The following MROH2A variants were observed in gnomAD, a reference collection of about 807,000 sequenced individuals.
MROH2A encodes maestro heat like repeat family member 2A.
Under a neutral mutation model 200.4 loss-of-function variants are expected in MROH2A, and 174 were observed. That is an observed-to-expected ratio of 0.87 (90% CI 0.77 to 0.98). The LOEUF is 0.98. Among genes scored for constraint, MROH2A ranks in the 50% least tolerant of loss-of-function variants. MROH2A has a pLI of 0.00. For synonymous variants in MROH2A, 829 were observed against 840.4 expected (o/e 0.99, Z 0.23); for missense variants, 2,045 against 2,139.6 (o/e 0.96, Z 0.87).
intron 3 of MROH2A, among the ~76,000 whole-genome samples, chr2:233,788,777 A>C (rs1701533712): frequency 6.6e-6 from 1 of 151,518 alleles, no homozygotes; most frequent in Non-Finnish European, 1.5e-5. Context: ...CTCTACTAAA[A>C]ATACAAAAAA....
At chr2:233,826,620 T>C (rs560118133) in intron 35 of MROH2A, among the ~76,000 whole-genome samples, 1 of 152,274 alleles carries the variant, frequency 6.6e-6, no homozygotes, top group African/African-American at 2.4e-5. Flanking sequence ...ATAAAAACCC[T>C]AGAAGAAAAT....
Position 233,829,745 on chromosome 2 carries a change from C to T in MROH2A, c.4572C>T (p.His1524=), listed in dbSNP as rs28900695. ...VKKAWIPLML[H]SQDPCSNAAQ... ...AGGCCTGGATCCCCCTCATGCTGCACTCCCAGGACCCCTGCTCCAATGCAG... is the reference window on the plus strand; with the variant it reads ...AGGCCTGGATCCCCCTCATGCTGCATTCCCAGGACCCCTGCTCCAATGCAG... The change falls in exon 38 of 42, where the codon CAC becomes CAT. Residue 1524 remains histidine (H), a synonymous_variant. Transcript: ENST00000389758. 2.5e-3 allele frequency: 3,622 copies of T among 1,439,266 alleles called. 120 individuals carry two copies. The East Asian group carries it at 0.075, about 30-fold the overall frequency. The allele number at this position is 1,439,266 out of a possible 1,614,324, so 89.2% of individuals were successfully genotyped here. A position where few individuals can be genotyped will look rare whatever the true frequency, so the allele number is the denominator to read the frequency against.
At chr2:233,790,217 C>CT (rs1701628700) in intron 5 of MROH2A, among the ~76,000 whole-genome samples, 1 of 152,106 alleles carries the variant, frequency 6.6e-6, no homozygotes, top group Admixed American at 6.5e-5. Flanking sequence ...TCTCATCCTT[C>CT]TTCCCCCTCT....
Position 233,822,366 on chromosome 2 carries a change from C to CTG in MROH2A, c.3679_3680dup (p.Thr1228AlafsTer44). The CTG allele has an allele frequency of 6.4e-7, 1 of 1,550,914 alleles. No individual in the cohort carries two copies. The highest frequency in any genetic ancestry group is 8.7e-7 in the Non-Finnish European group (1 of 1,147,032). ...GCCCTGGACCTTCTCTCTGCAGACC[C>CTG]TGTGCACCATCCACCTTCTCATTCA... On this transcript the variant is annotated frameshift_variant, in exon 33 of 42. Coordinates refer to ENST00000389758, the MANE Select transcript of MROH2A (RefSeq NM_001394639.1). LOFTEE classifies it high-confidence loss of function.
At chr2:233,781,276 G>A (rs532271983) in intron 3 of MROH2A, among the ~76,000 whole-genome samples, 2 of 152,010 alleles carry the variant, frequency 1.3e-5, no homozygotes, top group Non-Finnish European at 2.9e-5. Flanking sequence ...TGGATCATAC[G>A]GTAAATCTAG....
In MROH2A at chr2:233,792,788, C is replaced by T; in HGVS notation, c.572-8C>T. Reference sequence around the variant, plus strand: ...AACTTCCTGTAATCATCCCTCACAACCTCACAGTGTTTGAGTTCATGCCAT... The same window carrying T: ...AACTTCCTGTAATCATCCCTCACAATCTCACAGTGTTTGAGTTCATGCCAT... On this transcript the variant is annotated splice_region_variant and splice_polypyrimidine_tract_variant and intron_variant, in intron 5 of 41. Transcript: ENST00000389758. 6.6e-7 allele frequency: 1 copy of T among 1,510,776 alleles called. No individual in the cohort carries two copies. Among genetic ancestry groups the T allele is most frequent in the East Asian group, 2.5e-5 (1 of 40,702 alleles). The allele number at this position is 1,510,776 out of a possible 1,614,324, so 93.6% of individuals were successfully genotyped here. A position where few individuals can be genotyped will look rare whatever the true frequency, so the allele number is the denominator to read the frequency against.
intron 3 of MROH2A, among the ~76,000 whole-genome samples, chr2:233,785,051 C>T (rs1408920502): frequency 1.3e-5 from 2 of 151,666 alleles, no homozygotes; most frequent in African/African-American, 2.4e-5. Context: ...GAGGCTGAGG[C>T]AAGAGAATTG....
chr2:233,820,632 C>A lies in MROH2A; in HGVS notation c.3512+576C>A, dbSNP rs1348838395. Among the ~76,000 whole-genome samples the A allele has an allele frequency of 6.6e-6, 1 of 152,034 alleles. No individual in the cohort carries two copies. The highest frequency in any genetic ancestry group is 1.5e-5 in the Non-Finnish European group (1 of 68,002). ...GGCACAGGCAGCTGGGCATGGTCTC[C>A]CCACATGTGGGGAGTCTGTTTGGGG... On this transcript the variant is annotated intron_variant, in intron 31 of 41. Coordinates refer to ENST00000389758, the MANE Select transcript of MROH2A (RefSeq NM_001394639.1). The surrounding 1 kb of genome is among the most constrained non-coding windows in gnomAD (Gnocchi z 4.1).
chr2:233,793,213 G>A (rs959367405), intron 6 of MROH2A, among the ~76,000 whole-genome samples: 2 of 152,212 alleles, frequency 1.3e-5, no homozygotes, highest in Non-Finnish European at 2.9e-5. Context: ...TCACAGGAGA[G>A]GGAGACCGGG....
chr2:233,800,043 G>A lies in MROH2A; in HGVS notation c.1449+144G>A. 4 of 1,224,038 alleles carry A rather than the reference G, an allele frequency of 3.3e-6. No homozygotes were observed. In the South Asian group the frequency reaches 5.9e-5, roughly 18 times the overall value. 75.8% of individuals were successfully genotyped at this position (1,224,038 alleles called of 1,614,324 possible). On this transcript the variant is annotated intron_variant, in intron 13 of 41. Transcript: ENST00000389758. ...AGGAGTTCATAGACACAGTGAACCT[G>A]CAGGTGACAATGTGTGGGGTCCTAG... is the stretch of plus-strand genomic sequence containing the variant.
chr2:233,804,480 C>G lies in MROH2A; in HGVS notation c.1892-15C>G. The G allele has an allele frequency of 6.4e-7, 1 of 1,550,996 alleles. No homozygotes were observed. Among genetic ancestry groups the G allele is most frequent in the Non-Finnish European group, 8.7e-7 (1 of 1,146,932 alleles). ...GAAGAAAGTGGCATGTGTGACCATACATGTGTTCCTGCAGAACATACTGAG... is the reference window on the plus strand; with the variant it reads ...GAAGAAAGTGGCATGTGTGACCATAGATGTGTTCCTGCAGAACATACTGAG... On this transcript the variant is annotated splice_polypyrimidine_tract_variant and intron_variant, in intron 17 of 41. Coordinates refer to ENST00000389758, the MANE Select transcript of MROH2A (RefSeq NM_001394639.1).
At position 233,787,570 on chromosome 2, in the gene MROH2A, ATATATATCATATATACATATATATAT is replaced by A. The variant is rs1559435396; in HGVS notation, c.277-1919_277-1894del. 8.9e-5 allele frequency among the ~76,000 whole-genome samples: 5 copies of A among 56,304 alleles called. No individual in the cohort carries two copies. The East Asian group carries it at 2.4e-3, about 27-fold the overall frequency. The allele number at this position is 56,304 out of a possible 152,430, so 36.9% of individuals were successfully genotyped here. ...TATATATTATATATACATATATATTATATATATCATATATACATATATATATTATATATTATATATATCATATATAC... is the reference window on the plus strand; with the variant it reads ...TATATATTATATATACATATATATTATATATATTATATATATCATATATAC... On this transcript the variant is annotated intron_variant, in intron 3 of 41. Coordinates refer to ENST00000389758, the MANE Select transcript of MROH2A (RefSeq NM_001394639.1).
rs754295006 is a variant in MROH2A at position 233,828,827 on chromosome 2, G to C, written c.4263+48G>C. 6.5e-6 allele frequency: 10 copies of C among 1,549,340 alleles called. No homozygotes were observed. The highest frequency in any genetic ancestry group is 8.7e-6 in the Non-Finnish European group (10 of 1,146,204). On this transcript the variant is annotated intron_variant, in intron 36 of 41. Transcript: ENST00000389758. This position sits in a 1 kb window ranked among gnomAD's most constrained non-coding sequence, Gnocchi z 4.6. Reference sequence around the variant, plus strand: ...CAGGTCCCGGGAGCTGAGGGTGCAGGCCGGGTGCCCTGGTCAGCCTGGGAG... The same window carrying C: ...CAGGTCCCGGGAGCTGAGGGTGCAGCCCGGGTGCCCTGGTCAGCCTGGGAG...
At position 233,789,974 on chromosome 2, in the gene MROH2A, AT is replaced by A. The variant is rs759944723; in HGVS notation, c.534del (p.Phe178LeufsTer32). On this transcript the variant is annotated frameshift_variant, in exon 5 of 42. Coordinates refer to ENST00000389758, the MANE Select transcript of MROH2A (RefSeq NM_001394639.1). LOFTEE classifies it high-confidence loss of function. ...TCAAGCCCCTCAACCTCACTGATGA[AT>A]TTGTCATCATCACACTGGCCAAGCT... ...HLKPLNLTDE[F>X]VIITLAKLAN... 31 of 1,550,208 alleles carry A rather than the reference AT, an allele frequency of 2.0e-5. No individual in the cohort carries two copies. In the South Asian group the frequency reaches 3.5e-4, roughly 17 times the overall value.
rs1289012038 is a variant in MROH2A at position 233,820,645 on chromosome 2, A to T, written c.3512+589A>T. Among the ~76,000 whole-genome samples the T allele has an allele frequency of 6.6e-6, 1 of 151,908 alleles. No homozygotes were observed. Among genetic ancestry groups the T allele is most frequent in the Non-Finnish European group, 1.5e-5 (1 of 67,934 alleles). Reference sequence around the variant, plus strand: ...GGGCATGGTCTCCCCACATGTGGGGAGTCTGTTTGGGGTGGTACCAGAATT... The same window carrying T: ...GGGCATGGTCTCCCCACATGTGGGGTGTCTGTTTGGGGTGGTACCAGAATT... On this transcript the variant is annotated intron_variant, in intron 31 of 41. Coordinates refer to ENST00000389758, the MANE Select transcript of MROH2A (RefSeq NM_001394639.1). This position sits in a 1 kb window ranked among gnomAD's most constrained non-coding sequence, Gnocchi z 4.1.
intron 11 of MROH2A, among the ~76,000 whole-genome samples, chr2:233,798,397 C>T (rs964138086): frequency 6.6e-6 from 1 of 152,164 alleles, no homozygotes; most frequent in African/African-American, 2.4e-5. Flanking sequence ...CCAGGGAAGG[C>T]CTGGTGTCAG....
intron 11 of MROH2A, among the ~76,000 whole-genome samples, chr2:233,797,734 T>G (rs959560751): frequency 3.3e-5 from 5 of 152,150 alleles, no homozygotes; most frequent in African/African-American, 1.2e-4. Context: ...TCCCTCCCCT[T>G]TCCCCCAACC....
chr2:233,787,535 CATATATACATATATATT>C (rs1194725391), intron 3 of MROH2A, among the ~76,000 whole-genome samples: 4 of 103,946 alleles, frequency 3.8e-5, no homozygotes, highest in Non-Finnish European at 1.8e-5. Flanking sequence ...TTACATATAT[CATATATACATATATATT>C]ATATATACAT....
intron 6 of MROH2A, among the ~76,000 whole-genome samples, chr2:233,793,387 G>C (rs907016567): frequency 1.3e-5 from 2 of 152,218 alleles, no homozygotes; most frequent in African/African-American, 4.8e-5. Context: ...ACTGCCCTCT[G>C]ACCTGGAATC....
Sources: gnomAD v4.1 joint callset for allele counts (sites outside exome capture counted in the v4.1 genomes callset) on GRCh38, gnomAD v4.1.1 for gene constraint, Gnocchi (gnomAD v3.1) non-coding constraint, MANE v1.5 for transcripts, NCBI Gene and HGNC (gene_info 2026-07-23, HGNC 2026-07-21) for gene names.